The following APBB2 variants were observed in gnomAD, a reference collection of about 807,000 sequenced individuals.
APBB2 encodes amyloid beta precursor protein binding family B member 2, also known as Fe65-like 1.
In APBB2, 38 loss-of-function variants were observed where a neutral mutation model predicts 82.5. The observed-to-expected ratio is 0.46, with a 90% CI of 0.36 to 0.60. The LOEUF is 0.60. Among genes scored for constraint, APBB2 ranks in the 20% least tolerant of loss-of-function variants. The pLI, the probability that APBB2 is intolerant of heterozygous loss-of-function variation, is 0.00. For synonymous variants in APBB2, 341 were observed against 368.2 expected (o/e 0.93, Z 0.85); for missense variants, 772 against 972.3 (o/e 0.79, Z 2.74).
chr4:41,104,998 T>C (rs923995225), intron 2 of APBB2, among the ~76,000 whole-genome samples: 6 of 152,226 alleles, frequency 3.9e-5, no homozygotes, highest in African/African-American at 1.4e-4. Context: ...TCAATTTAGC[T>C]TTCCTGGCAT....
intron 6 of APBB2, among the ~76,000 whole-genome samples, chr4:40,990,892 T>C (rs1161255340): frequency 5.3e-5 from 8 of 151,960 alleles, no homozygotes; most frequent in Non-Finnish European, 1.0e-4. Flanking sequence ...TGATATGCTC[T>C]ATGGAGGCAA....
chr4:40,821,435 C>T (rs1237591797), intron 17 of APBB2, among the ~76,000 whole-genome samples: 1 of 152,150 alleles, frequency 6.6e-6, no homozygotes, highest in Non-Finnish European at 1.5e-5. Context: ...ACAGAGTTGT[C>T]GGAAGGACTG....
intron 1 of APBB2, among the ~76,000 whole-genome samples, chr4:41,143,364 G>A (rs1180651061): frequency 3.9e-5 from 6 of 152,222 alleles, no homozygotes; most frequent in African/African-American, 1.4e-4. Context: ...TTGGCCTAGT[G>A]ATTATGCTCT....
intron 6 of APBB2, among the ~76,000 whole-genome samples, chr4:40,982,326 A>G (rs1468910305): frequency 1.4e-3 from 53 of 37,386 alleles, no homozygotes; most frequent in South Asian, 3.3e-3. Context: ...AAGAAAGAAA[A>G]GAAAGAAGGA....
intron 10 of APBB2, among the ~76,000 whole-genome samples, chr4:40,915,707 C>T (rs1269172895): frequency 6.6e-6 from 1 of 151,858 alleles, no homozygotes; most frequent in Admixed American, 6.6e-5. Flanking sequence ...TGTTCCCAAC[C>T]CCAGAGAGAA....
chr4:41,190,068 CAATCT>C (rs1773980229), intron 1 of APBB2, among the ~76,000 whole-genome samples: 1 of 151,758 alleles, frequency 6.6e-6, no homozygotes, highest in Non-Finnish European at 1.5e-5. Context: ...CAAATAGGTC[CAATCT>C]TACACGTGCT....
intron 6 of APBB2, among the ~76,000 whole-genome samples, chr4:41,008,170 T>A (rs1326223043): frequency 6.6e-6 from 1 of 152,194 alleles, no homozygotes; most frequent in Non-Finnish European, 1.5e-5. Flanking sequence ...ACACTGGAGC[T>A]GTGTCGGAAA....
chr4:41,016,864 G>A (rs958234632), intron 5 of APBB2, among the ~76,000 whole-genome samples: 2 of 151,828 alleles, frequency 1.3e-5, no homozygotes, highest in Admixed American at 1.3e-4. Flanking sequence ...GTTTATTTAC[G>A]TACTTATTAC....
At chr4:41,148,534 C>T (rs1761401982) in intron 1 of APBB2, among the ~76,000 whole-genome samples, 1 of 152,194 alleles carries the variant, frequency 6.6e-6, no homozygotes, top group Non-Finnish European at 1.5e-5. Context: ...CTAGATGTGG[C>T]ATTACCAATA....
chr4:41,043,889 G>C (rs1005025269), intron 4 of APBB2, among the ~76,000 whole-genome samples: 2 of 152,260 alleles, frequency 1.3e-5, no homozygotes, highest in Middle Eastern at 3.4e-3. Flanking sequence ...AGTTTCCACA[G>C]TATGAATTTT....
In APBB2 at chr4:41,012,928, C is replaced by T. The variant is rs7698900; in HGVS notation, c.835+655G>A. Among the ~76,000 whole-genome samples the T allele has an allele frequency of 2.1e-3, 325 of 152,218 alleles. 2 individuals carry two copies. The highest frequency in any genetic ancestry group is 7.4e-3 in the African/African-American group (309 of 41,534). On this transcript the variant is annotated intron_variant, in intron 6 of 17. Transcript: ENST00000508593. Reference sequence around the variant, plus strand: ...CACCATTTTAACACCTCCGACAAATCCAAAATATTACAAATATAGACAAAA... The same window carrying T: ...CACCATTTTAACACCTCCGACAAATTCAAAATATTACAAATATAGACAAAA...
chr4:41,006,490 G>C (rs929086147), intron 6 of APBB2, among the ~76,000 whole-genome samples: 1 of 152,038 alleles, frequency 6.6e-6, no homozygotes, highest in African/African-American at 2.4e-5. Flanking sequence ...TTGAGATGGA[G>C]TCTCGCTGTG....
chr4:40,842,533 T>C, intron 12 of APBB2: 1 of 331,116 alleles, frequency 3.0e-6, no homozygotes, highest in Non-Finnish European at 6.3e-6. Context: ...TCCGTGCTTA[T>C]TTTAGGTCAA....
At chr4:41,004,306 C>T (rs1003860638) in intron 6 of APBB2, among the ~76,000 whole-genome samples, 1 of 152,180 alleles carries the variant, frequency 6.6e-6, no homozygotes, top group African/African-American at 2.4e-5. Flanking sequence ...AACATCTCCT[C>T]CTCTTCTTTG....
intron 6 of APBB2, among the ~76,000 whole-genome samples, chr4:40,975,753 A>AAC (rs368424451): frequency 0.36 from 50,953 of 141,860 alleles, 10,309 homozygotes; most frequent in East Asian, 0.52. Flanking sequence ...GTAGTAAGAA[A>AAC]ACACACACAC....
At chr4:41,213,749 GT>G (rs1230405760) in intron 1 of APBB2, among the ~76,000 whole-genome samples, 3 of 152,192 alleles carry the variant, frequency 2.0e-5, no homozygotes, top group Non-Finnish European at 2.9e-5. Context: ...CCTGGAGTCG[GT>G]CCCCTATGCA....
At chr4:41,049,231 A>G (rs201344433) in intron 4 of APBB2, among the ~76,000 whole-genome samples, 40,624 of 137,120 alleles carry the variant, frequency 0.3, 5,824 homozygotes, top group East Asian at 0.54. Context: ...GCCTCTGCCC[A>G]GCCGCGACCC....
In APBB2 at chr4:41,120,504, G is replaced by A. The variant is rs187143761; in HGVS notation, c.-260-19754C>T. 4.6e-5 allele frequency among the ~76,000 whole-genome samples: 7 copies of A among 152,282 alleles called. No individual in the cohort carries two copies. The East Asian group carries it at 1.3e-3, about 29-fold the overall frequency. On this transcript the variant is annotated intron_variant, in intron 2 of 17. Transcript: ENST00000508593. ...GCTTCAAAACTTACGGGAAATTCAA[G>A]GTGACTTATTTTCCTTGACCTTAAA...
intron 10 of APBB2, among the ~76,000 whole-genome samples, chr4:40,899,523 T>C (rs1012204408): frequency 6.6e-6 from 1 of 152,108 alleles, no homozygotes; most frequent in Admixed American, 6.6e-5. Context: ...CCAGATGGTC[T>C]TGGGTTCGAA....
Sources: allele counts gnomAD v4.1 joint callset (sites outside exome capture counted in the v4.1 genomes callset), GRCh38; gene constraint gnomAD v4.1.1; transcripts MANE v1.5; gene names NCBI Gene and HGNC (gene_info 2026-07-23, HGNC 2026-07-21).